ZNF487: variants seen among roughly 807,000 people sequenced by gnomAD.
ZNF487 encodes the protein zinc finger protein 487, also known as KRAB domain only 1.
Under a neutral mutation model 3.0 loss-of-function variants are expected in ZNF487, and 4 were observed. The observed-to-expected ratio is 1.35, with a 90% CI of 0.66 to 3.08. The LOEUF (loss-of-function observed/expected upper bound fraction) is 3.08, where lower values mean the gene tolerates loss of function less well. Ranked by LOEUF, ZNF487 falls within the 30% of genes most tolerant of loss-of-function variation. The pLI is 0.01. For missense variants in ZNF487, 146 were observed against 98.7 expected, an observed-to-expected ratio of 1.48 and a Z score of -2.03; for synonymous variants, 55 against 34.6, an observed-to-expected ratio of 1.59 and a Z score of -2.06.
At chr10:43,460,003 C>T (rs1366408519) in intron 1 of ZNF487, among the ~76,000 whole-genome samples, 2 of 151,676 alleles carry the variant, frequency 1.3e-5, no homozygotes, top group Non-Finnish European at 2.9e-5. Context: ...AGGGTTTCAC[C>T]GTGTCAGCCA....
chr10:43,510,557 G>GT, the ZNF487 span, among the ~76,000 whole-genome samples: 435 of 151,496 alleles, frequency 2.9e-3, 2 homozygotes, highest in Middle Eastern at 0.01. Flanking sequence ...TTTTTTGTTT[G>GT]TTTTTTTTGA....
chr10:43,460,380 CTT>C (rs199998705), intron 1 of ZNF487, among the ~76,000 whole-genome samples: 42 of 121,120 alleles, frequency 3.5e-4, no homozygotes, highest in African/African-American at 8.4e-4. Context: ...TTCTTTCTTT[CTT>C]TTTTTTTTTT....
chr10:43,476,844 C>T (rs1049059563), intron 3 of ZNF487, among the ~76,000 whole-genome samples: 8 of 152,094 alleles, frequency 5.3e-5, no homozygotes, highest in Non-Finnish European at 7.3e-5. Flanking sequence ...AGACTGCTCG[C>T]TGAGGTGCCG....
the ZNF487 span, among the ~76,000 whole-genome samples, chr10:43,518,707 G>T: frequency 1.3e-5 from 2 of 152,234 alleles, no homozygotes; most frequent in African/African-American, 4.8e-5. Context: ...GATGGATGGC[G>T]ATTCCCAGGG....
intron 1 of ZNF487, among the ~76,000 whole-genome samples, chr10:43,471,071 G>A (rs1365750913): frequency 6.6e-6 from 1 of 152,078 alleles, no homozygotes; most frequent in African/African-American, 2.4e-5. Flanking sequence ...TCGTTTGCTG[G>A]TTCCTCCTTT....
intron 1 of ZNF487, among the ~76,000 whole-genome samples, chr10:43,462,931 G>A (rs974315616): frequency 6.6e-6 from 1 of 151,516 alleles, no homozygotes; most frequent in African/African-American, 2.4e-5. Context: ...GGCTATGCCT[G>A]GCTAATTAAA....
intron 3 of ZNF487, among the ~76,000 whole-genome samples, chr10:43,477,391 T>G (rs1181111158): frequency 1.3e-5 from 2 of 151,794 alleles, no homozygotes; most frequent in Non-Finnish European, 2.9e-5. Flanking sequence ...GATGGGGTTT[T>G]GCCATGTTGG....
intron 1 of ZNF487, among the ~76,000 whole-genome samples, chr10:43,474,714 C>A (rs1224102239): frequency 6.6e-6 from 1 of 151,858 alleles, no homozygotes; most frequent in African/African-American, 2.4e-5. Flanking sequence ...TCCCCAGTAG[C>A]CGGAATTACA....
At chr10:43,445,537 A>G (rs2094619050) in intron 1 of ZNF487, among the ~76,000 whole-genome samples, 1 of 151,768 alleles carries the variant, frequency 6.6e-6, no homozygotes, top group African/African-American at 2.4e-5. Context: ...ATTATTAGGC[A>G]GGTCCAGGGC....
At position 43,447,985 on chromosome 10, in the gene ZNF487, A is replaced by ATTTTTTTTT. The variant is rs71016768; in HGVS notation, c.-94+10737_-94+10745dup. Among the ~76,000 whole-genome samples the ATTTTTTTTT allele has an allele frequency of 4.0e-5, 4 of 100,150 alleles. 1 individual carries two copies. The highest frequency in any genetic ancestry group is 1.8e-5 in the Non-Finnish European group (1 of 54,500). 65.7% of individuals were successfully genotyped at this position (100,150 alleles called of 152,430 possible). A position where few individuals can be genotyped will look rare whatever the true frequency, so the allele number is the denominator to read the frequency against. On this transcript the variant is annotated intron_variant, in intron 1 of 3. Coordinates refer to ENST00000437590, the MANE Select transcript of ZNF487 (RefSeq NM_001355444.3). ...TCTGATGTTCAGGGTCTTGGAAACC[A>ATTTTTTTTT]TTTTTTTTTTTTTTTTTTTTTTGAG...
the ZNF487 span, among the ~76,000 whole-genome samples, chr10:43,509,458 C>CATATATATATATATATATATAT: frequency 4.1e-4 from 56 of 135,280 alleles, no homozygotes; most frequent in African/African-American, 1.2e-3. Flanking sequence ...ACTAATGGAA[C>CATATATATATATATATATATAT]ATATATATAT....
At chr10:43,483,534 TC>T (rs956228869), downstream of ZNF487, among the ~76,000 whole-genome samples, 13 of 30,246 alleles carry the variant, frequency 4.3e-4, no homozygotes, top group African/African-American at 1.7e-3. Flanking sequence ...GCCCAGCCCT[TC>T]TTTTTTTTTT....
At chr10:43,520,762 T>C in the ZNF487 span, among the ~76,000 whole-genome samples, 3 of 152,182 alleles carry the variant, frequency 2.0e-5, no homozygotes, top group Non-Finnish European at 2.9e-5. Flanking sequence ...TAGGCTAACA[T>C]TGAAAGGCCC....
chr10:43,477,197 C>A (rs902132725), intron 3 of ZNF487, among the ~76,000 whole-genome samples: 2 of 147,212 alleles, frequency 1.4e-5, no homozygotes, highest in Non-Finnish European at 3.0e-5. Context: ...CTTTTTCTTT[C>A]TTTATTTCTT....
chr10:43,468,111 C>CA (rs1424354346), intron 1 of ZNF487, among the ~76,000 whole-genome samples: 5 of 152,120 alleles, frequency 3.3e-5, no homozygotes, highest in African/African-American at 4.8e-5. Context: ...GTGGAGCCTG[C>CA]AGATGTGAGT....
At chr10:43,479,978 TCTTTCC>T (rs1841266278) in intron 3 of ZNF487, among the ~76,000 whole-genome samples, 1 of 36,008 alleles carries the variant, frequency 2.8e-5, no homozygotes, top group Admixed American at 2.8e-4. Flanking sequence ...TTCTTTTCTT[TCTTTCC>T]TTCTTTCTTT....
At chr10:43,461,408 C>A (rs1452081101) in intron 1 of ZNF487, among the ~76,000 whole-genome samples, 1 of 152,010 alleles carries the variant, frequency 6.6e-6, no homozygotes, top group African/African-American at 2.4e-5. Flanking sequence ...CTCCCTTGAA[C>A]TCCTGGGCTC....
the ZNF487 span, among the ~76,000 whole-genome samples, chr10:43,513,270 A>G: frequency 6.6e-6 from 1 of 152,246 alleles, no homozygotes; most frequent in Non-Finnish European, 1.5e-5. Context: ...GCTGAAGGCA[A>G]ATTGCTTTTG....
intron 1 of ZNF487, among the ~76,000 whole-genome samples, chr10:43,455,779 G>GT (rs1456932800): frequency 6.6e-6 from 1 of 152,250 alleles, no homozygotes; most frequent in East Asian, 1.9e-4. Context: ...CCTTTGGCGC[G>GT]TAGGAGACAG....
Sources: gnomAD v4.1 joint callset for allele counts (sites outside exome capture counted in the v4.1 genomes callset) on GRCh38, gnomAD v4.1.1 for gene constraint, MANE v1.5 for transcripts, NCBI Gene and HGNC (gene_info 2026-07-23, HGNC 2026-07-21) for gene names.